Variants in MAP3K12 observed in about 807,000 individuals in gnomAD.
MAP3K12 encodes the protein mitogen-activated protein kinase kinase kinase 12.
In MAP3K12, 14 loss-of-function variants were observed where a neutral mutation model predicts 87.5. That is an observed-to-expected ratio of 0.16 (90% CI 0.11 to 0.25). MAP3K12 has a LOEUF of 0.25. Among genes scored for constraint, MAP3K12 ranks in the 10% least tolerant of loss-of-function variants. MAP3K12 has a pLI of 1.00. For synonymous variants in MAP3K12, 469 were observed against 452.5 expected (o/e 1.04, Z -0.46); for missense variants, 802 against 1,140.4 (o/e 0.70, Z 4.27).
chr12:53,489,479 C>T (rs1185659670), intron 1 of MAP3K12, among the ~76,000 whole-genome samples: 1 of 152,236 alleles, frequency 6.6e-6, no homozygotes, highest in Non-Finnish European at 1.5e-5. Context: ...CCAGACTTGT[C>T]CAGAACTTGG....
At chr12:53,501,461 G>A, upstream of MAP3K12, 1 of 1,567,128 alleles carries the variant, frequency 6.4e-7, no homozygotes, top group South Asian at 1.2e-5. Flanking sequence ...GGGCTGCCTA[G>A]GTGAGCCGTC....
rs547671580 is a variant in MAP3K12, at chr12:53,498,113, GGAGT to G, written c.-38+1310_-38+1313del. On this transcript the variant is annotated intron_variant, in intron 1 of 13. Transcript: ENST00000547488. ...CCTAACATTACCCCAGTTGACAATGGGAGTGAGTGGATGAATGATACGCTTGAGG... is the reference window on the plus strand; with the variant it reads ...CCTAACATTACCCCAGTTGACAATGGGAGTGGATGAATGATACGCTTGAGG... 3.9e-5 allele frequency among the ~76,000 whole-genome samples: 6 copies of G among 152,264 alleles called. No homozygotes were observed. In the South Asian group the frequency reaches 1.2e-3, roughly 32 times the overall value.
chr12:53,500,030 G>C (rs184102093), upstream of MAP3K12: 1 of 152,390 alleles, frequency 6.6e-6, no homozygotes, highest in East Asian at 1.9e-4. Context: ...TCACCCACTT[G>C]GAATTCACTC....
At chr12:53,497,911 C>A (rs1461828047) in intron 1 of MAP3K12, among the ~76,000 whole-genome samples, 4 of 152,144 alleles carry the variant, frequency 2.6e-5, no homozygotes, top group Non-Finnish European at 4.4e-5. Context: ...CTAGAAAAGC[C>A]TGATCCTACC....
intron 1 of MAP3K12, among the ~76,000 whole-genome samples, chr12:53,492,536 C>T (rs1943442665): frequency 6.6e-6 from 1 of 152,136 alleles, no homozygotes; most frequent in South Asian, 2.1e-4. Flanking sequence ...CTACTGGTCC[C>T]ATTATATTCT....
intron 8 of MAP3K12, 50 bp downstream of exon 8, chr12:53,483,861 G>A (rs200221542): frequency 6.2e-6 from 10 of 1,609,446 alleles, no homozygotes; most frequent in African/African-American, 1.3e-5. Context: ...CTGACTGGGT[G>A]CATAGTCCTT....
At position 53,482,847 on chromosome 12, in the gene MAP3K12, C is replaced by G. The variant is rs1233947959; in HGVS notation, c.1956G>C (p.Gly652=). The change falls in exon 11 of 14, where the codon GGG becomes GGC. Residue 652 remains glycine, a synonymous_variant. Coordinates refer to ENST00000547488, the MANE Select transcript of MAP3K12 (RefSeq NM_001193511.2). ...SSPDLLSAAL[G]SRGRGATGGA... ...CGCCTGTGGCCCCCCGGCCCCGGGA[C>G]CCTAGTGCTGCTGACAGCAGGTCTG... 4 of 1,612,342 alleles carry G rather than the reference C, an allele frequency of 2.5e-6. No homozygotes were observed. The highest frequency in any genetic ancestry group is 2.7e-5 in the African/African-American group (2 of 74,924).
chr12:53,499,004 G>GTGTGTGTGTGTGTGTGTGTGT (rs1943612157), intron 1 of MAP3K12, among the ~76,000 whole-genome samples: 2 of 129,704 alleles, frequency 1.5e-5, no homozygotes, highest in African/African-American at 5.9e-5. Context: ...GTGTGTGTGT[G>GTGTGTGTGTGTGTGTGTGTGT]GAGATGGTGG....
upstream of MAP3K12, chr12:53,501,340 C>T: frequency 2.0e-6 from 3 of 1,535,812 alleles, no homozygotes; most frequent in Non-Finnish European, 2.6e-6. Context: ...CCGGCCCTAG[C>T]TCGTCGGCTG....
rs1456228886 is a variant in MAP3K12, at chr12:53,483,503, C to A, written c.1476-17G>T. The A allele has an allele frequency of 1.2e-6, 2 of 1,614,004 alleles. No homozygotes were observed. The highest frequency in any genetic ancestry group is 2.7e-5 in the African/African-American group (2 of 75,008). ...TGCTCTCGCCTAAAGATCCAGGCAC[C>A]TTCTCAGCTGGGCAAATGACCAGGA... On this transcript the variant is annotated splice_polypyrimidine_tract_variant and intron_variant, in intron 9 of 13. Transcript: ENST00000547488.
At chr12:53,490,032 G>T (rs1429473533) in intron 1 of MAP3K12, among the ~76,000 whole-genome samples, 2 of 152,214 alleles carry the variant, frequency 1.3e-5, no homozygotes, top group African/African-American at 2.4e-5. Flanking sequence ...GCCAGGTGTG[G>T]TGGCTCATGC....
In MAP3K12 at chr12:53,486,478, T is replaced by A. The variant is rs765680290; in HGVS notation, c.590A>T (p.His197Leu). 1 of 1,614,156 alleles carries A rather than the reference T, an allele frequency of 6.2e-7. No individual in the cohort carries two copies. The highest frequency in any genetic ancestry group is 8.5e-7 in the Non-Finnish European group (1 of 1,180,022). The change falls in exon 3 of 14, where the codon CAC (histidine) becomes CTC (leucine). Residue 197 changes from histidine (H) to leucine (L), a missense_variant. His to Leu is a moderately conservative substitution (Grantham distance 99). Around this residue, in one of 5 missense-constraint regions of MAP3K12, gnomAD observed 57 missense variants for 161.8 expected, o/e 0.35. Transcript: ENST00000547488. This position sits in a 1 kb window ranked among gnomAD's most constrained non-coding sequence, Gnocchi z 4.9. ...VRDLKETDIK[H>L]LRKLKHPNII... ...GTTGGGGTGCTTCAGCTTTCGCAAG[T>A]GCTTGATGTCGGTTTCTTTGAGGTC...
At chr12:53,497,055 A>G (rs1314785751) in intron 1 of MAP3K12, among the ~76,000 whole-genome samples, 1 of 152,248 alleles carries the variant, frequency 6.6e-6, no homozygotes, top group Non-Finnish European at 1.5e-5. Flanking sequence ...GGTTACACAG[A>G]CCTGGGTTCA....
chr12:53,497,264 T>C (rs532468167), intron 1 of MAP3K12, among the ~76,000 whole-genome samples: 1 of 152,192 alleles, frequency 6.6e-6, no homozygotes, highest in African/African-American at 2.4e-5. Flanking sequence ...ATATGGAAAG[T>C]GCCTAACACA....
intron 4 of MAP3K12, 168 bp downstream of exon 4, chr12:53,485,888 A>G: frequency 1.6e-6 from 1 of 638,794 alleles, no homozygotes. Context: ...TGGGACACTC[A>G]AAGGTGAGGG....
rs796169121 is a variant in MAP3K12, at chr12:53,491,301, A to AAAAAAAAAAAAAAAAAG, written c.-37-3874_-37-3873insCTTTTTTTTTTTTTTTT. 7.4e-3 allele frequency among the ~76,000 whole-genome samples: 749 copies of AAAAAAAAAAAAAAAAAG among 101,474 alleles called. 11 individuals carry two copies. The highest frequency in any genetic ancestry group is 0.011 in the Non-Finnish European group (573 of 52,228). The allele number at this position is 101,474 out of a possible 152,430, so 66.6% of individuals were successfully genotyped here. A position where few individuals can be genotyped will look rare whatever the true frequency, so the allele number is the denominator to read the frequency against. On this transcript the variant is annotated intron_variant, in intron 1 of 13. Coordinates refer to ENST00000547488, the MANE Select transcript of MAP3K12 (RefSeq NM_001193511.2). ...AGACTCTGTCTCAAAAAAAAAAAAAAAAAAGAAAAGAAAAGAAAAACAGGC... is the reference window on the plus strand; with the variant it reads ...AGACTCTGTCTCAAAAAAAAAAAAAAAAAAAAAAAAAAAAAAGAAAAGAAAAGAAAAGAAAAACAGGC...
Position 53,483,066 on chromosome 12 carries a change from A to T in MAP3K12, c.1737T>A (p.Arg579=). Residue 579 remains arginine (R), a synonymous_variant, in exon 11 of 14, where the codon CGT becomes CGA. Transcript: ENST00000547488. The stretch of plus-strand genomic sequence containing the variant: ...TCCCCTTGGCGCTGGCCTTGCGGTG[A>T]CGGGTCTTGCCACGGCGACTCCGTC... ...SPGRSRRGKT[R]HRKASAKGSC... is the part of the protein sequence containing the mutation. 1 of 1,541,732 alleles carries T rather than the reference A, an allele frequency of 6.5e-7. No homozygotes were observed. Among genetic ancestry groups the T allele is most frequent in the East Asian group, 2.3e-5 (1 of 44,264 alleles).
chr12:53,481,365 T>G (rs1473970988), intron 13 of MAP3K12, 85 bp from the exon 14 acceptor site: 4 of 667,728 alleles, frequency 6.0e-6, no homozygotes, highest in Non-Finnish European at 8.9e-6. Context: ...ACTGATTTGT[T>G]TTTTAAGACA....
At chr12:53,481,895 C>T (rs781110147) in intron 13 of MAP3K12, 46 bp downstream of exon 13, 2 of 1,588,006 alleles carry the variant, frequency 1.3e-6, no homozygotes, top group Non-Finnish European at 1.7e-6. Context: ...CATCTGCTTA[C>T]AGCTCTCCCT....
Sources: gnomAD v4.1 joint callset for allele counts (sites outside exome capture counted in the v4.1 genomes callset) on GRCh38, gnomAD v4.1.1 for gene constraint, gnomAD v4.1.1 regional missense constraint, Gnocchi (gnomAD v3.1) non-coding constraint, MANE v1.5 for transcripts, NCBI Gene and HGNC (gene_info 2026-07-23, HGNC 2026-07-21) for gene names.